The following GRIK1 variants were observed in gnomAD, a reference collection of about 807,000 sequenced individuals.
The protein encoded by GRIK1 is glutamate receptor ionotropic, kainate 1.
In GRIK1, 69 loss-of-function variants were observed where a neutral mutation model predicts 105.7. The ratio of observed to expected loss-of-function variants is 0.65; its 90% CI spans 0.54 to 0.80. The LOEUF (loss-of-function observed/expected upper bound fraction) is 0.80, where lower values mean the gene tolerates loss of function less well. GRIK1 is among the 30% of genes least tolerant of loss of function. The pLI is 0.00. For missense variants in GRIK1, 1,109 were observed against 1,167.3 expected (o/e 0.95, Z 0.73); for synonymous variants, 438 against 431.3 (o/e 1.02, Z -0.19).
chr21:29,803,913 G>A (rs2066783190), intron 1 of GRIK1, among the ~76,000 whole-genome samples: 2 of 152,006 alleles, frequency 1.3e-5, no homozygotes, highest in South Asian at 4.2e-4. Context: ...GGTCTGTAAG[G>A]AAGAGATCCT....
chr21:29,911,081 T>C (rs1331112902), intron 1 of GRIK1, among the ~76,000 whole-genome samples: 1 of 152,104 alleles, frequency 6.6e-6, no homozygotes, highest in Non-Finnish European at 1.5e-5. Flanking sequence ...AGTATTGTGC[T>C]TGACATATAC....
At chr21:29,678,879 A>G (rs1045616569) in intron 3 of GRIK1, among the ~76,000 whole-genome samples, 1 of 152,200 alleles carries the variant, frequency 6.6e-6, no homozygotes, top group Non-Finnish European at 1.5e-5. Context: ...TACTCATGCC[A>G]AAGTGTTGAT....
chr21:29,649,695 A>T (rs1160683897), intron 6 of GRIK1, among the ~76,000 whole-genome samples: 4 of 152,226 alleles, frequency 2.6e-5, no homozygotes, highest in African/African-American at 9.6e-5. Context: ...AATTGAACAC[A>T]CAGACTTTTT....
intron 7 of GRIK1, among the ~76,000 whole-genome samples, chr21:29,636,503 G>A (rs752191884): frequency 2.6e-5 from 4 of 152,134 alleles, no homozygotes; most frequent in African/African-American, 4.8e-5. Flanking sequence ...GATTTAACAG[G>A]CAAAAAAATA....
intron 12 of GRIK1, among the ~76,000 whole-genome samples, chr21:29,585,585 G>A (rs1310903821): frequency 1.3e-5 from 2 of 152,052 alleles, no homozygotes; most frequent in Non-Finnish European, 2.9e-5. Flanking sequence ...ACTCACTTTT[G>A]CCCTGCGAAA....
At position 29,744,666 on chromosome 21, in the gene GRIK1, CT is replaced by C. The variant is rs1263981853; in HGVS notation, c.119-50604del. ...GGTCTCAGGATAGACTTCACTTGTT[CT>C]GAAAATTTGGTCTATATTTTTCAAG... On this transcript the variant is annotated intron_variant, in intron 1 of 17. Coordinates refer to ENST00000327783, the MANE Select transcript of GRIK1 (RefSeq NM_001330994.2). Among the ~76,000 whole-genome samples the C allele has an allele frequency of 1.1e-4, 16 of 151,330 alleles. No homozygotes were observed. In the East Asian group the frequency reaches 2.9e-3, roughly 28 times the overall value.
intron 1 of GRIK1, among the ~76,000 whole-genome samples, chr21:29,824,986 G>T (rs1474311844): frequency 6.6e-6 from 1 of 151,934 alleles, no homozygotes; most frequent in African/African-American, 2.4e-5. Flanking sequence ...TATTTTAAAG[G>T]CAACTAGAAA....
chr21:29,745,342 T>C (rs1332202731), intron 1 of GRIK1, among the ~76,000 whole-genome samples: 1 of 152,216 alleles, frequency 6.6e-6, no homozygotes, highest in Admixed American at 6.5e-5. Context: ...TGTGTATGAT[T>C]GTAGCTTTGT....
At chr21:29,641,168 T>C (rs888463515) in intron 7 of GRIK1, among the ~76,000 whole-genome samples, 2 of 152,194 alleles carry the variant, frequency 1.3e-5, no homozygotes, top group African/African-American at 4.8e-5. Context: ...GAAGTGTAAG[T>C]AACTTGCTGA....
intron 7 of GRIK1, among the ~76,000 whole-genome samples, chr21:29,633,554 A>G (rs916943420): frequency 3.3e-5 from 5 of 152,110 alleles, no homozygotes; most frequent in African/African-American, 1.2e-4. Flanking sequence ...TTCTTTATAA[A>G]TTAGCCAGTC....
intron 16 of GRIK1, among the ~76,000 whole-genome samples, chr21:29,550,395 A>C (rs1361880065): frequency 2.0e-5 from 3 of 152,190 alleles, no homozygotes; most frequent in Admixed American, 2.0e-4. Flanking sequence ...CTCTGCAATC[A>C]ATCAAGCAAT....
rs377161509 is a variant in GRIK1, at chr21:29,726,388, C to A, written c.119-32325G>T. On this transcript the variant is annotated intron_variant, in intron 1 of 17. Transcript: ENST00000327783. ...TGCCTAATTATATATTAAACATGCACACACACACCCCTTCTAATTTAGAAA... is the reference window on the plus strand; with the variant it reads ...TGCCTAATTATATATTAAACATGCAAACACACACCCCTTCTAATTTAGAAA... Among the ~76,000 whole-genome samples the A allele has an allele frequency of 1.4e-4, 22 of 152,178 alleles. No homozygotes were observed. The South Asian group carries it at 4.6e-3, about 32-fold the overall frequency.
chr21:29,920,954 G>A (rs915515889), intron 1 of GRIK1, among the ~76,000 whole-genome samples: 3 of 151,384 alleles, frequency 2.0e-5, no homozygotes, highest in Non-Finnish European at 3.0e-5. Context: ...ATTTTCTTCT[G>A]GAGCAGGATT....
At chr21:29,731,933 TTA>T (rs1307571230) in intron 1 of GRIK1, among the ~76,000 whole-genome samples, 1 of 152,200 alleles carries the variant, frequency 6.6e-6, no homozygotes, top group Non-Finnish European at 1.5e-5. Context: ...TTAGCAGAAT[TTA>T]TGTTACTCAT....
chr21:29,707,144 G>A (rs1344623416), intron 1 of GRIK1, among the ~76,000 whole-genome samples: 2 of 152,166 alleles, frequency 1.3e-5, no homozygotes, highest in Non-Finnish European at 1.5e-5. Context: ...GATTACAGGC[G>A]TGAGCCACCG....
chr21:29,930,323 T>C (rs2071523380), intron 1 of GRIK1, among the ~76,000 whole-genome samples: 1 of 152,214 alleles, frequency 6.6e-6, no homozygotes. Context: ...AACATCTGTT[T>C]ACGGATTACT....
chr21:29,600,660 G>A (rs889261126), intron 7 of GRIK1, among the ~76,000 whole-genome samples: 2 of 152,224 alleles, frequency 1.3e-5, no homozygotes, highest in East Asian at 1.9e-4. Context: ...AAGAGGCAGA[G>A]CAATGCAGTG....
chr21:29,859,711 C>T (rs940283015), intron 1 of GRIK1, among the ~76,000 whole-genome samples: 1 of 152,144 alleles, frequency 6.6e-6, no homozygotes, highest in Non-Finnish European at 1.5e-5. Context: ...CCTGGGCTCC[C>T]GATTCTTCTC....
intron 3 of GRIK1, among the ~76,000 whole-genome samples, chr21:29,673,696 C>T (rs1239965212): frequency 6.6e-6 from 1 of 152,146 alleles, no homozygotes; most frequent in Non-Finnish European, 1.5e-5. Context: ...TTGTAAATGG[C>T]TCATGCTCAT....
Sources: gnomAD v4.1 joint callset for allele counts (sites outside exome capture counted in the v4.1 genomes callset) on GRCh38, gnomAD v4.1.1 for gene constraint, MANE v1.5 for transcripts, NCBI Gene and HGNC (gene_info 2026-07-23, HGNC 2026-07-21) for gene names.